PPP2R3B: variants seen among roughly 807,000 people sequenced by gnomAD.
PPP2R3B encodes protein phosphatase 2 regulatory subunit B''beta, also known as serine/threonine-protein phosphatase 2A regulatory subunit B'' subunit beta.
Under a neutral mutation model 72.9 loss-of-function variants are expected in PPP2R3B, and 68 were observed. The ratio of observed to expected loss-of-function variants is 0.93; its 90% confidence interval spans 0.77 to 1.14. PPP2R3B has a LOEUF of 1.14. PPP2R3B is among the 50% of genes most tolerant of loss of function. PPP2R3B has a pLI of 0.00. For synonymous variants in PPP2R3B, 466 were observed against 375.8 expected (o/e 1.24, Z -2.78); for missense variants, 1,018 against 842.0 (o/e 1.21, Z -2.59).
intron 2 of PPP2R3B, among the ~76,000 whole-genome samples, chrX:357,836 AAC>A (rs1179914399): frequency 6.6e-6 from 1 of 152,120 alleles, no homozygotes; most frequent in Non-Finnish European, 1.5e-5. Context: ...CTTCAGAGAA[AAC>A]ACAGAGGAGT....
intron 2 of PPP2R3B, among the ~76,000 whole-genome samples, chrX:350,328 G>T (rs892173852): frequency 6.6e-6 from 1 of 152,224 alleles, no homozygotes; most frequent in Non-Finnish European, 1.5e-5. Flanking sequence ...CTCTGCCGCG[G>T]CCAAGGTTTC....
intron 1 of PPP2R3B, among the ~76,000 whole-genome samples, chrX:385,462 G>C (rs965463496): frequency 6.6e-6 from 1 of 151,208 alleles, no homozygotes; most frequent in African/African-American, 2.4e-5. Flanking sequence ...ATTAGCCAGA[G>C]GCTGCGCTTC....
chrX:350,916 G>A (rs371443556), intron 2 of PPP2R3B, among the ~76,000 whole-genome samples: 17 of 152,160 alleles, frequency 1.1e-4, no homozygotes, highest in Admixed American at 2.0e-4. Flanking sequence ...CTTGGTTCAC[G>A]GTGCCCCAGG....
intron 1 of PPP2R3B, among the ~76,000 whole-genome samples, chrX:376,140 G>A (rs1306005626): frequency 4.0e-5 from 6 of 151,858 alleles, no homozygotes; most frequent in East Asian, 1.9e-4. Flanking sequence ...GCAGTGAGCC[G>A]AGATTGCGCC....
chrX:382,315 A>G (rs1184530868), intron 1 of PPP2R3B, among the ~76,000 whole-genome samples: 1 of 150,926 alleles, frequency 6.6e-6, no homozygotes, highest in Non-Finnish European at 1.5e-5. Flanking sequence ...CTCCTGCCTC[A>G]GCCTCCAGAG....
At chrX:337,457 G>C (rs36081007) in intron 12 of PPP2R3B, 60,310 of 152,102 alleles carry the variant, frequency 0.4, 13,230 homozygotes, top group South Asian at 0.51. Flanking sequence ...GACAGAAGCA[G>C]AACTGAGAAG....
rs1253481734 is a variant in PPP2R3B at position 349,639 on chromosome X, A to G, written c.511-1946T>C. The stretch of plus-strand genomic sequence containing the variant: ...AAATGCTTACCAAATACGGGAATTA[A>G]TAAGTATCTTCAGCAAAGTTGCTGG... On this transcript the variant is annotated intron_variant, in intron 2 of 12. Coordinates refer to ENST00000390665, the MANE Select transcript of PPP2R3B (RefSeq NM_013239.5). Among the ~76,000 whole-genome samples the G allele has an allele frequency of 3.3e-5, 5 of 152,242 alleles. No homozygotes were observed. In the South Asian group the frequency reaches 6.2e-4, roughly 19 times the overall value.
At chrX:382,197 T>G (rs1277970150) in intron 1 of PPP2R3B, among the ~76,000 whole-genome samples, 1 of 54,970 alleles carries the variant, frequency 1.8e-5, no homozygotes, top group Non-Finnish European at 4.2e-5. Flanking sequence ...TTTTTTTTTC[T>G]TTTTTTTTTT....
chrX:386,688 G>C lies in PPP2R3B; in HGVS notation c.4C>G (p.Pro2Ala). The stretch of plus-strand genomic sequence containing the variant: ...ACCGGCTGCAGCACTTTGCCGGGCG[G>C]CATGGCGGGGGCTGGGCCCGCGGCG... Reference protein sequence around the residue: MPPGKVLQPVLK... With the variant: MAPGKVLQPVLK... The change falls in exon 1 of 13, where the codon CCG becomes GCG. Residue 2 changes from proline to alanine, a missense_variant. By Grantham distance (27) the Pro-to-Ala change is conservative (BLOSUM62 -1). Coordinates refer to ENST00000390665, the MANE Select transcript of PPP2R3B (RefSeq NM_013239.5). 7.7e-7 allele frequency: 1 copy of C among 1,298,180 alleles called. No homozygotes were observed. Among genetic ancestry groups the C allele is most frequent in the Non-Finnish European group, 9.7e-7 (1 of 1,026,644 alleles). The allele number at this position is 1,298,180 out of a possible 1,614,324, so 80.4% of individuals were successfully genotyped here.
intron 1 of PPP2R3B, among the ~76,000 whole-genome samples, chrX:371,919 A>G (rs778794587): frequency 6.6e-6 from 1 of 151,912 alleles, no homozygotes. Flanking sequence ...GTGGAAACCT[A>G]TTTTCTGTAA....
chrX:363,643 G>A (rs1331762167), intron 1 of PPP2R3B, among the ~76,000 whole-genome samples: 107 of 4,726 alleles, frequency 0.023, no homozygotes, highest in Admixed American at 0.029. Context: ...CCATCCCACA[G>A]TCATCTCCCT....
intron 12 of PPP2R3B, chrX:334,871 A>C (rs187842696): frequency 4.0e-6 from 1 of 248,802 alleles, no homozygotes; most frequent in East Asian, 7.5e-5. Flanking sequence ...CTGGAGAACA[A>C]ACAGGACCAC....
At chrX:346,565 C>T (rs1248274073) in intron 5 of PPP2R3B, 136 bp downstream of exon 5, 1 of 856,212 alleles carries the variant, frequency 1.2e-6, no homozygotes, top group Non-Finnish European at 1.8e-6. Flanking sequence ...GAGACTCTCC[C>T]AGAGCGCGGC....
chrX:363,021 G>A (rs956222054), intron 1 of PPP2R3B, among the ~76,000 whole-genome samples: 3 of 152,042 alleles, frequency 2.0e-5, no homozygotes, highest in South Asian at 2.1e-4. Flanking sequence ...CCTCACCCAC[G>A]GTGAGACTCA....
At chrX:346,549 C>T (rs1189125788) in intron 5 of PPP2R3B, 152 bp downstream of exon 5, 2 of 740,496 alleles carry the variant, frequency 2.7e-6, no homozygotes, top group East Asian at 2.8e-5. Context: ...GGCTCCCGGG[C>T]GGGTGGAGAC....
intron 1 of PPP2R3B, among the ~76,000 whole-genome samples, chrX:381,696 T>A (rs2124419197): frequency 6.7e-6 from 1 of 150,164 alleles, no homozygotes; most frequent in Admixed American, 6.7e-5. Context: ...CCACCCAGGT[T>A]CATGCCATTC....
Position 386,539 on chromosome X carries a change from G to GC in PPP2R3B, c.152_153insG (p.Asp51GlufsTer52), listed in dbSNP as rs2072256689. The GC allele has an allele frequency of 7.0e-7, 1 of 1,429,762 alleles. No individual in the cohort carries two copies. The highest frequency in any genetic ancestry group is 9.2e-7 in the Non-Finnish European group (1 of 1,088,930). The allele number at this position is 1,429,762 out of a possible 1,614,324, so 88.6% of individuals were successfully genotyped here. On this transcript the variant is annotated frameshift_variant, in exon 1 of 13. Coordinates refer to ENST00000390665, the MANE Select transcript of PPP2R3B (RefSeq NM_013239.5). LOFTEE classifies it high-confidence loss of function. ...TGGGCCAGGCCCCGGGCTGCTCCCC[G>GC]TCCCCCGGGGTCGGCTGGTCCCGCC...
chrX:334,647 C>T (rs1361433049), intron 12 of PPP2R3B, 130 bp from the exon 13 acceptor site: 5 of 1,110,042 alleles, frequency 4.5e-6, no homozygotes, highest in Non-Finnish European at 5.9e-6. Context: ...CCTTGAGCTC[C>T]AGCCGCTGAG....
intron 1 of PPP2R3B, chrX:373,923 CCTT>C (rs2071930006): frequency 6.5e-6 from 1 of 153,534 alleles, no homozygotes; most frequent in African/African-American, 2.4e-5. Flanking sequence ...CTCCTCTCCT[CCTT>C]CTCCGCTCCC....
Sources: allele counts gnomAD v4.1 joint callset (sites outside exome capture counted in the v4.1 genomes callset), GRCh38; gene constraint gnomAD v4.1.1; transcripts MANE v1.5; gene names NCBI Gene and HGNC (gene_info 2026-07-23, HGNC 2026-07-21).